NAA11: variants seen among roughly 807,000 people sequenced by gnomAD.
NAA11 encodes the protein N-alpha-acetyltransferase 11.
NAA11 carries 15 observed loss-of-function variants against 16.1 expected under a neutral mutation model. The observed-to-expected ratio is 0.93, with a 90% CI of 0.62 to 1.44. The LOEUF (loss-of-function observed/expected upper bound fraction) is 1.44. NAA11 is among the 40% of genes most tolerant of loss of function. The pLI is 0.00. For missense variants in NAA11, 298 were observed against 291.3 expected (o/e 1.02, Z -0.17); for synonymous variants, 122 against 112.4 (o/e 1.09, Z -0.54).
chr4:79,196,262 A>G, the NAA11 span, among the ~76,000 whole-genome samples: 1 of 151,944 alleles, frequency 6.6e-6, no homozygotes, highest in Non-Finnish European at 1.5e-5. Context: ...GGGGTGTATA[A>G]GCTCAGATCT....
intron 2 of NAA11, among the ~76,000 whole-genome samples, chr4:79,231,955 A>T (rs764950814): frequency 1.3e-5 from 2 of 151,754 alleles, no homozygotes; most frequent in Non-Finnish European, 2.9e-5. Flanking sequence ...ACATAATGAG[A>T]TGTTTGACCA....
chr4:79,300,087 TA>T (rs1480512061), intron 1 of NAA11, among the ~76,000 whole-genome samples: 1 of 152,166 alleles, frequency 6.6e-6, no homozygotes, highest in Non-Finnish European at 1.5e-5. Context: ...TTCATGCTTA[TA>T]GGGGCAAGTA....
intron 1 of NAA11, among the ~76,000 whole-genome samples, chr4:79,303,077 T>TATAC (rs1491102611): frequency 0.046 from 143 of 3,090 alleles, 2 homozygotes; most frequent in South Asian, 0.12. Flanking sequence ...TGAGGCCTTT[T>TATAC]ATATATATAT....
intron 2 of NAA11, among the ~76,000 whole-genome samples, chr4:79,286,906 A>G (rs1722952152): frequency 1.3e-5 from 2 of 152,190 alleles, no homozygotes; most frequent in South Asian, 4.1e-4. Flanking sequence ...CACCCCCAAA[A>G]CATTTTGGCA....
chr4:79,200,920 A>C, the NAA11 span, among the ~76,000 whole-genome samples: 5 of 151,680 alleles, frequency 3.3e-5, no homozygotes, highest in African/African-American at 1.2e-4. Context: ...TGAAAAATAC[A>C]TGAAAATAGA....
chr4:79,255,005 A>G (rs982476387), intron 2 of NAA11, among the ~76,000 whole-genome samples: 4 of 152,224 alleles, frequency 2.6e-5, no homozygotes, highest in Admixed American at 1.3e-4. Context: ...ATAATGAACT[A>G]TAATTATATA....
At chr4:79,189,165 C>A in the NAA11 span, among the ~76,000 whole-genome samples, 443 of 36,774 alleles carry the variant, frequency 0.012, no homozygotes, top group Non-Finnish European at 0.023. Context: ...AAAAAAAAAA[C>A]TTATGAAGGA....
intron 2 of NAA11, among the ~76,000 whole-genome samples, chr4:79,283,967 A>G (rs1417771631): frequency 2.0e-5 from 3 of 152,098 alleles, no homozygotes; most frequent in Non-Finnish European, 4.4e-5. Flanking sequence ...AGGGCTTTTA[A>G]CAAATATTTG....
the NAA11 span, among the ~76,000 whole-genome samples, chr4:79,189,898 A>G: frequency 6.6e-6 from 1 of 152,212 alleles, no homozygotes. Context: ...GTGGTGAGCT[A>G]GGAGTCTTGA....
chr4:79,197,204 A>G, the NAA11 span, among the ~76,000 whole-genome samples: 1 of 151,974 alleles, frequency 6.6e-6, no homozygotes, highest in Admixed American at 6.6e-5. Flanking sequence ...TGATAACTCA[A>G]AGCTTACTAA....
chr4:79,302,628 T>C (rs1342959826), intron 1 of NAA11, among the ~76,000 whole-genome samples: 1 of 152,180 alleles, frequency 6.6e-6, no homozygotes, highest in Non-Finnish European at 1.5e-5. Context: ...TGTATATACA[T>C]TTGTGTGTAT....
At chr4:79,169,497 C>A in the NAA11 span, among the ~76,000 whole-genome samples, 3 of 152,112 alleles carry the variant, frequency 2.0e-5, no homozygotes, top group Non-Finnish European at 2.9e-5. Flanking sequence ...CAAAAACAAG[C>A]AATGGGGAAA....
At chr4:79,172,156 A>AT in the NAA11 span, among the ~76,000 whole-genome samples, 2 of 152,038 alleles carry the variant, frequency 1.3e-5, no homozygotes, top group East Asian at 3.9e-4. Flanking sequence ...ATAATCTGTG[A>AT]TTTTTATCAC....
chr4:79,188,615 C>A, the NAA11 span, among the ~76,000 whole-genome samples: 2 of 150,392 alleles, frequency 1.3e-5, no homozygotes, highest in South Asian at 4.2e-4. Context: ...AGACAAACTT[C>A]TGTTTAAAAA....
intron 2 of NAA11, among the ~76,000 whole-genome samples, chr4:79,253,158 T>C (rs373387471): frequency 2.0e-5 from 3 of 152,212 alleles, no homozygotes; most frequent in African/African-American, 7.2e-5. Context: ...TTTTCGACAT[T>C]TGCGTCAGGA....
At chr4:79,181,953 T>C in the NAA11 span, among the ~76,000 whole-genome samples, 1 of 152,208 alleles carries the variant, frequency 6.6e-6, no homozygotes, top group Non-Finnish European at 1.5e-5. Context: ...CTTAGAGATA[T>C]CTTCACAGAA....
At position 79,303,076 on chromosome 4, in the gene NAA11, T is replaced by A. The variant is rs1227884853; in HGVS notation, c.*13-8962A>T. ...TTCATTCCTGTTCTCTTGAGGCCTT[T>A]TATATATATATATATATATATATAT... On this transcript the variant is annotated intron_variant and NMD_transcript_variant, in intron 1 of 2. Coordinates refer to the NAA11 transcript ENST00000511542. 4.9e-3 allele frequency among the ~76,000 whole-genome samples: 333 copies of A among 67,502 alleles called. 6 individuals are homozygous for A. The highest frequency in any genetic ancestry group is 0.018 in the African/African-American group (310 of 16,882). The allele number at this position is 67,502 out of a possible 152,430, so 44.3% of individuals were successfully genotyped here.
chr4:79,192,474 C>T, the NAA11 span, among the ~76,000 whole-genome samples: 8,654 of 146,474 alleles, frequency 0.059, 323 homozygotes, highest in Middle Eastern at 0.12. Context: ...TGAGAACATG[C>T]GGTGTTTGGT....
At chr4:79,313,648 T>A (rs1407763848), downstream of NAA11, among the ~76,000 whole-genome samples, 2 of 152,170 alleles carry the variant, frequency 1.3e-5, no homozygotes, top group African/African-American at 4.8e-5. Context: ...GGAAACATGG[T>A]GTTTAAATAA....
Sources: allele counts gnomAD v4.1 joint callset (sites outside exome capture counted in the v4.1 genomes callset), GRCh38; gene constraint gnomAD v4.1.1; transcripts MANE v1.5; gene names NCBI Gene and HGNC (gene_info 2026-07-23, HGNC 2026-07-21).